The following P2RY14 variants were observed in gnomAD, a reference collection of about 807,000 sequenced individuals.
P2RY14 encodes P2Y purinoceptor 14.
A neutral mutation model predicts 0.9 loss-of-function variants in P2RY14; 2 were observed. The observed-to-expected ratio is 2.16, with a 90% CI of 0.88 to 6.79. P2RY14 has a LOEUF of 6.79. Ranked by LOEUF, P2RY14 falls within the 30% of genes most tolerant of loss-of-function variation. P2RY14 has a pLI of 0.05. For missense variants in P2RY14, 378 were observed against 400.1 expected (o/e 0.94, Z 0.47); for synonymous variants, 158 against 147.2 (o/e 1.07, Z -0.53).
At chr3:151,252,553 T>C (rs1410938937) in intron 1 of P2RY14, among the ~76,000 whole-genome samples, 2 of 152,220 alleles carry the variant, frequency 1.3e-5, no homozygotes, top group African/African-American at 4.8e-5. Context: ...AGTAAAGATG[T>C]GTTGCTTCCT....
chr3:151,230,896 G>A (rs757046610), intron 1 of P2RY14, among the ~76,000 whole-genome samples: 2 of 152,122 alleles, frequency 1.3e-5, no homozygotes, highest in Non-Finnish European at 2.9e-5. Flanking sequence ...AGGAAACAGG[G>A]CTCCTTAAGA....
At chr3:151,225,370 C>G (rs895942210) in intron 1 of P2RY14, among the ~76,000 whole-genome samples, 6 of 152,146 alleles carry the variant, frequency 3.9e-5, no homozygotes, top group African/African-American at 1.4e-4. Flanking sequence ...TCTGGATTCT[C>G]TGAAGCTCAA....
At chr3:151,264,379 A>G (rs1739450397) in intron 1 of P2RY14, among the ~76,000 whole-genome samples, 1 of 152,350 alleles carries the variant, frequency 6.6e-6, no homozygotes, top group Admixed American at 6.5e-5. Flanking sequence ...TCTTCTCACG[A>G]GGGCAGTAGG....
At chr3:151,242,637 C>G (rs1734439549) in intron 1 of P2RY14, among the ~76,000 whole-genome samples, 1 of 152,158 alleles carries the variant, frequency 6.6e-6, no homozygotes, top group South Asian at 2.1e-4. Context: ...CATCAAAGAC[C>G]AAAAGTAGAT....
intron 1 of P2RY14, among the ~76,000 whole-genome samples, chr3:151,258,634 C>CT (rs2149486307): frequency 6.6e-6 from 1 of 152,108 alleles, no homozygotes; most frequent in South Asian, 2.1e-4. Flanking sequence ...AATAAACATC[C>CT]TTGGGCTTTT....
intron 2 of P2RY14, among the ~76,000 whole-genome samples, chr3:151,216,147 T>A (rs1728173363): frequency 6.6e-6 from 1 of 152,204 alleles, no homozygotes; most frequent in Non-Finnish European, 1.5e-5. Context: ...GTCATTTTTT[T>A]ACTCTTGAAT....
intron 1 of P2RY14, among the ~76,000 whole-genome samples, chr3:151,260,108 G>A (rs990933046): frequency 1.3e-5 from 2 of 152,168 alleles, no homozygotes; most frequent in African/African-American, 4.8e-5. Flanking sequence ...GACACCATTG[G>A]TGGGCTTAGG....
chr3:151,247,828 C>A (rs1242893211), intron 1 of P2RY14, among the ~76,000 whole-genome samples: 1 of 151,526 alleles, frequency 6.6e-6, no homozygotes, highest in African/African-American at 2.4e-5. Flanking sequence ...TTTAGAGAGT[C>A]ATTTGTTGAC....
rs1577124745 is a variant in P2RY14, at chr3:151,250,823, A to G, written c.-133+27464T>C. On this transcript the variant is annotated intron_variant, in intron 1 of 2. Coordinates refer to ENST00000309170, the MANE Select transcript of P2RY14 (RefSeq NM_014879.4). ...TGGATCATGTGGTAATCCTATGTTA[A>G]TTTTCTAAAGGAATTGCTGTTTTCC... Among the ~76,000 whole-genome samples the G allele has an allele frequency of 2.0e-5, 3 of 152,218 alleles. 1 individual carries two copies. The East Asian group carries it at 5.8e-4, about 29-fold the overall frequency.
intron 1 of P2RY14, among the ~76,000 whole-genome samples, chr3:151,230,240 C>T (rs963089031): frequency 1.3e-5 from 2 of 152,196 alleles, no homozygotes; most frequent in African/African-American, 4.8e-5. Flanking sequence ...TCCTAAAGTG[C>T]TGGGATTACA....
intron 1 of P2RY14, among the ~76,000 whole-genome samples, chr3:151,260,718 G>A (rs1461713288): frequency 6.6e-6 from 1 of 152,122 alleles, no homozygotes. Context: ...GTTTCCCAGT[G>A]ATCACTTTTC....
At chr3:151,266,242 A>G (rs1739812633) in intron 1 of P2RY14, among the ~76,000 whole-genome samples, 1 of 152,182 alleles carries the variant, frequency 6.6e-6, no homozygotes, top group African/African-American at 2.4e-5. Flanking sequence ...CATGACCTCA[A>G]TTTCCAAGGT....
intron 1 of P2RY14, among the ~76,000 whole-genome samples, chr3:151,226,619 T>C (rs1730541100): frequency 6.6e-6 from 1 of 152,142 alleles, no homozygotes; most frequent in South Asian, 2.1e-4. Flanking sequence ...AGTGTTTTTT[T>C]TTCAAGAAAG....
At chr3:151,277,861 A>G (rs191103079) in intron 1 of P2RY14, among the ~76,000 whole-genome samples, 7 of 152,386 alleles carry the variant, frequency 4.6e-5, no homozygotes, top group Admixed American at 4.6e-4. Context: ...ATGCAACTAT[A>G]TATCTGTACA....
chr3:151,275,126 A>G (rs1260007155), intron 1 of P2RY14, among the ~76,000 whole-genome samples: 2 of 152,096 alleles, frequency 1.3e-5, no homozygotes, highest in African/African-American at 2.4e-5. Context: ...CTTGGTATAA[A>G]TGGCTCCTAG....
intron 1 of P2RY14, among the ~76,000 whole-genome samples, chr3:151,244,753 G>T (rs1237332661): frequency 6.6e-6 from 1 of 151,914 alleles, no homozygotes; most frequent in Non-Finnish European, 1.5e-5. Context: ...CAGAAGGCAA[G>T]AAATAACTAA....
Position 151,213,238 on chromosome 3 carries a change from C to A in P2RY14, c.*62G>T. 1.6e-6 allele frequency: 2 copies of A among 1,256,952 alleles called. No individual in the cohort carries two copies. Among genetic ancestry groups the A allele is most frequent in the East Asian group, 2.3e-5 (1 of 43,044 alleles). 77.9% of individuals were successfully genotyped at this position (1,256,952 alleles called of 1,614,324 possible). ...ATGAGGGCACATATCTTATTGATTT[C>A]TGTTATGTAATTGAAGATGACAACA... On this transcript the variant is annotated 3_prime_UTR_variant, in exon 3 of 3. Coordinates refer to ENST00000309170, the MANE Select transcript of P2RY14 (RefSeq NM_014879.4).
chr3:151,241,610 A>G (rs1269532559), intron 1 of P2RY14, among the ~76,000 whole-genome samples: 1 of 152,186 alleles, frequency 6.6e-6, no homozygotes. Context: ...AGTGGGTTAT[A>G]TATATGTGTG....
At position 151,242,891 on chromosome 3, in the gene P2RY14, C is replaced by T. The variant is rs1734506758; in HGVS notation, c.-132-23249G>A. ...GAAAAAAATTTAGAAGAATGTATAA[C>T]TAGAATAACCAATACAGAGAAGTGC... is the stretch of plus-strand genomic sequence containing the variant. On this transcript the variant is annotated intron_variant, in intron 1 of 2. Transcript: ENST00000309170. 2.0e-5 allele frequency among the ~76,000 whole-genome samples: 3 copies of T among 149,006 alleles called. No individual in the cohort carries two copies. The South Asian group carries it at 6.4e-4, about 32-fold the overall frequency.
Sources: allele counts gnomAD v4.1 joint callset (sites outside exome capture counted in the v4.1 genomes callset), GRCh38; gene constraint gnomAD v4.1.1; transcripts MANE v1.5; gene names NCBI Gene and HGNC (gene_info 2026-07-23, HGNC 2026-07-21).